Variants in GRIK3 observed in about 807,000 individuals in gnomAD.
The protein encoded by GRIK3 is glutamate receptor ionotropic, kainate 3.
A neutral mutation model predicts 102.5 loss-of-function variants in GRIK3; 29 were observed. The ratio of observed to expected loss-of-function variants is 0.28; its 90% confidence interval spans 0.21 to 0.39. The LOEUF (loss-of-function observed/expected upper bound fraction) is 0.39. Ranked by LOEUF, GRIK3 falls within the 10% of genes least tolerant of loss-of-function variation. GRIK3 has a pLI of 1.00. For missense variants in GRIK3, 908 were observed against 1,252.4 expected (o/e 0.73, Z 4.15); for synonymous variants, 511 against 504.9 (o/e 1.01, Z -0.16).
intron 1 of GRIK3, among the ~76,000 whole-genome samples, chr1:36,926,395 C>CT (rs779485549): frequency 0.03 from 4,311 of 144,728 alleles, 165 homozygotes; most frequent in East Asian, 0.12. Flanking sequence ...CTACGCCCCA[C>CT]TTTTTTTTTT....
chr1:36,945,523 A>G (rs1442596370), intron 1 of GRIK3, among the ~76,000 whole-genome samples: 1 of 150,594 alleles, frequency 6.6e-6, no homozygotes, highest in Non-Finnish European at 1.5e-5. Flanking sequence ...AACATCGTTT[A>G]GACTGATCCT....
chr1:36,817,043 G>C lies in GRIK3; in HGVS notation c.2091+17C>G. ...GGATCAGCTCACGGTGCTGCAATAG[G>C]AGGGAGAGGGCCTCACCTTGAAGAA... On this transcript the variant is annotated intron_variant, in intron 13 of 15. Coordinates refer to ENST00000373091, the MANE Select transcript of GRIK3 (RefSeq NM_000831.4). 1 of 1,559,530 alleles carries C rather than the reference G, an allele frequency of 6.4e-7. No individual in the cohort carries two copies. Among genetic ancestry groups the C allele is most frequent in the Non-Finnish European group, 8.8e-7 (1 of 1,130,510 alleles).
chr1:37,000,692 G>C (rs1258951630), intron 1 of GRIK3, among the ~76,000 whole-genome samples: 2 of 152,176 alleles, frequency 1.3e-5, no homozygotes, highest in African/African-American at 2.4e-5. Context: ...CACACAGCTG[G>C]CAGGGTGCAG....
chr1:36,804,856 G>T, intron 15 of GRIK3, 131 bp downstream of exon 15: 1 of 1,205,222 alleles, frequency 8.3e-7, no homozygotes, highest in Non-Finnish European at 1.2e-6. Context: ...GGGCTTGCTG[G>T]CCGACTGGAT....
chr1:36,865,602 G>A (rs551259661), intron 5 of GRIK3, among the ~76,000 whole-genome samples: 2 of 152,276 alleles, frequency 1.3e-5, no homozygotes, highest in African/African-American at 2.4e-5. Context: ...GGGAGACCCC[G>A]CCCCATACTC....
At chr1:36,808,648 G>A (rs1642526258) in intron 13 of GRIK3, among the ~76,000 whole-genome samples, 1 of 152,190 alleles carries the variant, frequency 6.6e-6, no homozygotes, top group African/African-American at 2.4e-5. Context: ...TGAAATGACT[G>A]TAGCATTAGC....
intron 1 of GRIK3, among the ~76,000 whole-genome samples, chr1:37,029,776 C>T (rs1642801112): frequency 2.0e-5 from 3 of 152,198 alleles, no homozygotes; most frequent in Admixed American, 2.0e-4. Flanking sequence ...AGCCACTAGG[C>T]AGCTTGCATT....
At chr1:36,859,083 C>T in intron 7 of GRIK3, 25 bp downstream of exon 7, 1 of 1,577,784 alleles carries the variant, frequency 6.3e-7, no homozygotes, top group Non-Finnish European at 8.7e-7. Context: ...GGAGACAACA[C>T]TGGTGGGGGC....
chr1:36,872,259 T>C lies in GRIK3; in HGVS notation c.661A>G (p.Met221Val). The stretch of plus-strand genomic sequence containing the variant: ...ATGCGGAATTCCCGGCCTCGCTTCA[T>C]CTCCTTGAGCAAGGGGCGCGAGTCG... The part of the protein sequence containing the change: ...SDDSRPLLKE[M>V]KRGREFRIIF... The change falls in exon 4 of 16, where the codon ATG becomes GTG. Residue 221 changes from methionine (M) to valine (V), a missense_variant. Met to Val is a conservative substitution (Grantham distance 21). Transcript: ENST00000373091. This position sits in a 1 kb window ranked among gnomAD's most constrained non-coding sequence, Gnocchi z 5.9. 6.2e-7 allele frequency: 1 copy of C among 1,612,816 alleles called. No homozygotes were observed. Among genetic ancestry groups the C allele is most frequent in the Non-Finnish European group, 8.5e-7 (1 of 1,179,466 alleles).
At position 36,819,632 on chromosome 1, in the gene GRIK3, G is replaced by T. The variant is rs1222600113; in HGVS notation, c.1873+104C>A. The T allele has an allele frequency of 7.1e-6, 5 of 700,332 alleles. No homozygotes were observed. The Admixed American group carries it at 8.0e-5, about 11-fold the overall frequency. 43.4% of individuals were successfully genotyped at this position (700,332 alleles called of 1,614,324 possible). A position where few individuals can be genotyped will look rare whatever the true frequency, so the allele number is the denominator to read the frequency against. Reference sequence around the variant, plus strand: ...TTCTGCCGGCTCATCAGGGTCTGAGGCTACCCCTAGAGGTGTGGGCTGGCT... The same window carrying T: ...TTCTGCCGGCTCATCAGGGTCTGAGTCTACCCCTAGAGGTGTGGGCTGGCT... On this transcript the variant is annotated intron_variant, in intron 12 of 15. Coordinates refer to ENST00000373091, the MANE Select transcript of GRIK3 (RefSeq NM_000831.4). This position sits in a 1 kb window ranked among gnomAD's most constrained non-coding sequence, Gnocchi z 4.1.
chr1:36,878,978 A>T (rs1474261559), intron 3 of GRIK3, among the ~76,000 whole-genome samples: 4 of 152,068 alleles, frequency 2.6e-5, no homozygotes, highest in African/African-American at 7.2e-5. Flanking sequence ...TGCCCCACAC[A>T]TCCTCACAAG....
At chr1:37,031,007 AG>A (rs1642821788) in intron 1 of GRIK3, among the ~76,000 whole-genome samples, 1 of 152,078 alleles carries the variant, frequency 6.6e-6, no homozygotes, top group Non-Finnish European at 1.5e-5. Flanking sequence ...ATTTGGGGTC[AG>A]GTAACCTGGA....
At chr1:37,018,201 C>T (rs1017387167) in intron 1 of GRIK3, among the ~76,000 whole-genome samples, 10 of 152,188 alleles carry the variant, frequency 6.6e-5, no homozygotes, top group Non-Finnish European at 1.2e-4. Context: ...CAAAACTCAT[C>T]GTCTCAGTGA....
chr1:36,872,282 T>C lies in GRIK3; in HGVS notation c.638A>G (p.Asp213Gly). Reference sequence around the variant, plus strand: ...CATCTCCTTGAGCAAGGGGCGCGAGTCGTCAGAGTCGATGGGGAGCTGACG... The same window carrying C: ...CATCTCCTTGAGCAAGGGGCGCGAGCCGTCAGAGTCGATGGGGAGCTGACG... ...KIRQLPIDSD[D>G]SRPLLKEMKR... Residue 213 changes from aspartate (D) to glycine (G), a missense_variant, in exon 4 of 16, where the codon GAC becomes GGC. Around this residue, in one of 3 missense-constraint regions of GRIK3, gnomAD observed 585 missense variants for 824.9 expected, o/e 0.71. Transcript: ENST00000373091. This position sits in a 1 kb window ranked among gnomAD's most constrained non-coding sequence, Gnocchi z 5.9. 6.2e-7 allele frequency: 1 copy of C among 1,612,362 alleles called. No individual in the cohort carries two copies. The highest frequency in any genetic ancestry group is 8.5e-7 in the Non-Finnish European group (1 of 1,179,266).
chr1:36,971,860 A>G (rs1292493210), intron 1 of GRIK3, among the ~76,000 whole-genome samples: 1 of 152,050 alleles, frequency 6.6e-6, no homozygotes, highest in Non-Finnish European at 1.5e-5. Flanking sequence ...ACATTATATA[A>G]ACGGGCCCAC....
In GRIK3 at chr1:36,801,861, A is replaced by T; in HGVS notation, c.2750T>A (p.Val917Glu). ...CCACCCCAGCTGTGCCTAGGGGAAC[A>T]CAGGGGCTAAGGATGTGCTGCAGGC... is the stretch of plus-strand genomic sequence containing the variant. ...SMACSTSLAP[V>E]FP Residue 917 changes from valine (V) to glutamate (E), a missense_variant, in exon 16 of 16, where the codon GTG becomes GAG. Coordinates refer to ENST00000373091, the MANE Select transcript of GRIK3 (RefSeq NM_000831.4). The T allele has an allele frequency of 2.5e-6, 4 of 1,605,456 alleles. No homozygotes were observed. Among genetic ancestry groups the T allele is most frequent in the Non-Finnish European group, 3.4e-6 (4 of 1,175,734 alleles).
chr1:36,889,101 A>G (rs1274955408), intron 2 of GRIK3, among the ~76,000 whole-genome samples: 1 of 152,060 alleles, frequency 6.6e-6, no homozygotes, highest in African/African-American at 2.4e-5. Context: ...GAAGAAATGT[A>G]CAATAATCAC....
chr1:36,866,038 T>G (rs1009936972), intron 5 of GRIK3, among the ~76,000 whole-genome samples: 8 of 152,228 alleles, frequency 5.3e-5, no homozygotes, highest in Admixed American at 1.3e-4. Flanking sequence ...CCTGCCCGAC[T>G]ATGCCTGGCT....
At chr1:36,973,423 T>A (rs1239261869) in intron 1 of GRIK3, among the ~76,000 whole-genome samples, 1 of 145,420 alleles carries the variant, frequency 6.9e-6, no homozygotes, top group Admixed American at 6.7e-5. Context: ...TTCCTTTTTT[T>A]TTTTTTTTTT....
Sources: allele counts gnomAD v4.1 joint callset (sites outside exome capture counted in the v4.1 genomes callset), GRCh38; gene constraint gnomAD v4.1.1; regional missense constraint gnomAD v4.1.1; non-coding constraint Gnocchi (gnomAD v3.1); transcripts MANE v1.5; gene names NCBI Gene and HGNC (gene_info 2026-07-23, HGNC 2026-07-21).